Variants in VPS35 observed in about 807,000 individuals in gnomAD.
VPS35 encodes vacuolar protein sorting-associated protein 35.
A neutral mutation model predicts 98.1 loss-of-function variants in VPS35; 21 were observed. The ratio of observed to expected loss-of-function variants is 0.21; its 90% CI spans 0.15 to 0.31. The LOEUF (loss-of-function observed/expected upper bound fraction) is 0.31, where lower values mean the gene tolerates loss of function less well. Ranked by LOEUF, VPS35 falls within the 10% of genes least tolerant of loss-of-function variation. The pLI, the probability that VPS35 is intolerant of heterozygous loss-of-function variation, is 1.00. For missense variants in VPS35, 554 were observed against 950.8 expected (o/e 0.58, Z 5.49); for synonymous variants, 268 against 318.2 (o/e 0.84, Z 1.68).
intron 6 of VPS35, among the ~76,000 whole-genome samples, chr16:46,678,305 TAAAAAAAAAAAA>T (rs58288436): frequency 2.6e-4 from 31 of 119,344 alleles, no homozygotes; most frequent in Non-Finnish European, 3.2e-4. Flanking sequence ...TGATGAGCTT[TAAAAAAAAAAAA>T]AAAAAAAAAA....
At chr16:46,677,422 A>C in intron 6 of VPS35, 24 bp from the exon 7 acceptor site, 1 of 1,593,508 alleles carries the variant, frequency 6.3e-7, no homozygotes, top group Non-Finnish European at 8.6e-7. Context: ...AACACACATA[A>C]GGGTTAAAAT....
chr16:46,678,834 T>G, intron 6 of VPS35, 109 bp downstream of exon 6: 1 of 1,142,582 alleles, frequency 8.8e-7, no homozygotes, highest in Non-Finnish European at 1.3e-6. Context: ...ATAACAGCCA[T>G]TTTAAGATGT....
At chr16:46,683,262 T>C in intron 2 of VPS35, 2 of 553,710 alleles carry the variant, frequency 3.6e-6, no homozygotes, top group Non-Finnish European at 6.5e-6. Flanking sequence ...AAGGGTCTCT[T>C]ATTCTTATGA....
chr16:46,663,913 G>A (rs1389049213), intron 13 of VPS35, among the ~76,000 whole-genome samples: 2 of 96,190 alleles, frequency 2.1e-5, no homozygotes, highest in East Asian at 3.1e-4. Flanking sequence ...GTCTCATTCT[G>A]TTGCCCAGGC....
At chr16:46,685,737 T>C (rs1269202070) in intron 1 of VPS35, among the ~76,000 whole-genome samples, 1 of 152,202 alleles carries the variant, frequency 6.6e-6, no homozygotes, top group Non-Finnish European at 1.5e-5. Context: ...TTGGAATTTT[T>C]TGGCTCCTTA....
intron 12 of VPS35, among the ~76,000 whole-genome samples, chr16:46,670,566 C>G (rs529202502): frequency 2.0e-5 from 3 of 152,172 alleles, no homozygotes; most frequent in Admixed American, 6.5e-5. Context: ...ATTATAGATG[C>G]GAGCCACCAT....
intron 12 of VPS35, among the ~76,000 whole-genome samples, chr16:46,671,187 AACTC>A (rs1966063263): frequency 6.6e-6 from 1 of 152,174 alleles, no homozygotes; most frequent in Non-Finnish European, 1.5e-5. Context: ...AAAAAACAAA[AACTC>A]ACATTTTCAA....
intron 2 of VPS35, chr16:46,682,656 GC>G (rs1408211492): frequency 6.3e-6 from 1 of 157,680 alleles, no homozygotes; most frequent in East Asian, 1.8e-4. Context: ...ACTCAGAAAT[GC>G]AAGCAATTCC....
At position 46,662,438 on chromosome 16, in the gene VPS35, C is replaced by G; in HGVS notation, c.1872G>C (p.Gln624His). Residue 624 changes from glutamine to histidine, a missense_variant, in exon 15 of 17, where the codon CAG becomes CAC. Around this residue, in one of 5 missense-constraint regions of VPS35, gnomAD observed 153 missense variants for 211.0 expected, o/e 0.73. Coordinates refer to ENST00000299138, the MANE Select transcript of VPS35 (RefSeq NM_018206.6). ...YEDEISDSKA[Q>H]LAAITLIIGT... Reference sequence around the variant, plus strand: ...CAATGATCAAGGTGATGGCAGCTAGCTGTGCTTTGGAATCGCTGATTTCAT... The same window carrying G: ...CAATGATCAAGGTGATGGCAGCTAGGTGTGCTTTGGAATCGCTGATTTCAT... 1 of 1,614,208 alleles carries G rather than the reference C, an allele frequency of 6.2e-7. No homozygotes were observed. Among genetic ancestry groups the G allele is most frequent in the Non-Finnish European group, 8.5e-7 (1 of 1,180,048 alleles).
chr16:46,683,639 G>C (rs753523467), intron 1 of VPS35, 33 bp from the exon 2 acceptor site: 1 of 1,527,238 alleles, frequency 6.5e-7, no homozygotes, highest in Non-Finnish European at 9.0e-7. Flanking sequence ...GATGTCTCAA[G>C]CACATTCTTC....
intron 10 of VPS35, among the ~76,000 whole-genome samples, chr16:46,672,876 G>GC (rs1369002520): frequency 6.6e-6 from 1 of 152,142 alleles, no homozygotes; most frequent in Non-Finnish European, 1.5e-5. Context: ...TGCAAAACCA[G>GC]CAATTTGACA....
At position 46,689,155 on chromosome 16, in the gene VPS35, G is replaced by A. The variant is rs752258031; in HGVS notation, c.-22C>T. ...CCATGGCGACTCCCCAGAGCCTGCA[G>A]CAAGCAGCACCCGCCCCGCGCGTAG... On this transcript the variant is annotated 5_prime_UTR_variant, in exon 1 of 17. Coordinates refer to ENST00000299138, the MANE Select transcript of VPS35 (RefSeq NM_018206.6). 6.2e-7 allele frequency: 1 copy of A among 1,607,352 alleles called. No individual in the cohort carries two copies. Among genetic ancestry groups the A allele is most frequent in the Admixed American group, 1.7e-5 (1 of 59,376 alleles).
intron 8 of VPS35, among the ~76,000 whole-genome samples, chr16:46,675,087 G>A (rs1303225161): frequency 4.0e-5 from 5 of 126,520 alleles, no homozygotes; most frequent in Admixed American, 1.5e-4. Flanking sequence ...CACTGCACCC[G>A]GCCTCCTCAA....
Position 46,661,076 on chromosome 16 carries a change from G to A in VPS35, c.2212-425C>T. 2 of 306,708 alleles carry A rather than the reference G, an allele frequency of 6.5e-6. No homozygotes were observed. Among genetic ancestry groups the A allele is most frequent in the Non-Finnish European group, 1.3e-5 (2 of 156,504 alleles). 19.0% of individuals were successfully genotyped at this position (306,708 alleles called of 1,614,324 possible). ...GCATGAGAATTGCTTGAACCTGGGA[G>A]GCAGAGGTTGCAATGAGCTGAGATT... On this transcript the variant is annotated intron_variant, in intron 16 of 16. Transcript: ENST00000299138. This position sits in a 1 kb window ranked among gnomAD's most constrained non-coding sequence, Gnocchi z 4.3.
At position 46,668,912 on chromosome 16, in the gene VPS35, A is replaced by G. The variant is rs1966027757; in HGVS notation, c.1647+18T>C. On this transcript the variant is annotated intron_variant, in intron 13 of 16. Coordinates refer to ENST00000299138, the MANE Select transcript of VPS35 (RefSeq NM_018206.6). ...GAAAGAGGAAAAAAAGTACCTAAAT[A>G]CTTAAAAGTAAACTCACCACTTTAG... is the stretch of plus-strand genomic sequence containing the variant. The G allele has an allele frequency of 6.2e-7, 1 of 1,613,894 alleles. No individual in the cohort carries two copies. The highest frequency in any genetic ancestry group is 8.5e-7 in the Non-Finnish European group (1 of 1,179,918).
intron 5 of VPS35, among the ~76,000 whole-genome samples, chr16:46,680,421 A>C (rs1401667016): frequency 6.6e-6 from 1 of 152,342 alleles, no homozygotes; most frequent in East Asian, 1.9e-4. Flanking sequence ...GTAGTAGAAA[A>C]AATTACATTA....
rs371814413 is a variant in VPS35 at position 46,677,297 on chromosome 16, T to A, written c.804+18A>T. ...ATAAAATAGGTCGTTTAAAAAAAAA[T>A]GAAATGTTCCCAGCTACCTGAATAA... On this transcript the variant is annotated intron_variant, in intron 7 of 16. Coordinates refer to ENST00000299138, the MANE Select transcript of VPS35 (RefSeq NM_018206.6). 3.5e-5 allele frequency: 57 copies of A among 1,607,448 alleles called. No individual in the cohort carries two copies. Among genetic ancestry groups the A allele is most frequent in the Non-Finnish European group, 4.9e-5 (57 of 1,174,452 alleles).
intron 11 of VPS35, 62 bp from the exon 12 acceptor site, chr16:46,671,922 T>C: frequency 6.2e-7 from 1 of 1,600,328 alleles, no homozygotes; most frequent in Middle Eastern, 2.3e-4. Context: ...AAAGCCATTA[T>C]CAAAAGTGTT....
intron 13 of VPS35, among the ~76,000 whole-genome samples, chr16:46,663,942 C>T (rs1001531520): frequency 7.6e-6 from 1 of 130,988 alleles, no homozygotes; most frequent in African/African-American, 2.8e-5. Flanking sequence ...AACTACTGGC[C>T]CCGAGCAAAC....
Sources: gnomAD v4.1 joint callset for allele counts (sites outside exome capture counted in the v4.1 genomes callset) on GRCh38, gnomAD v4.1.1 for gene constraint, gnomAD v4.1.1 regional missense constraint, Gnocchi (gnomAD v3.1) non-coding constraint, MANE v1.5 for transcripts, NCBI Gene and HGNC (gene_info 2026-07-23, HGNC 2026-07-21) for gene names.